Variants in MMP20 observed in about 807,000 individuals in gnomAD.
The protein encoded by MMP20 is matrix metalloproteinase-20.
In MMP20, 50 loss-of-function variants were observed where a neutral mutation model predicts 51.8. That is an observed-to-expected ratio of 0.97 (90% CI 0.77 to 1.22). The LOEUF (loss-of-function observed/expected upper bound fraction) is 1.22, where lower values mean the gene tolerates loss of function less well. Among genes scored for constraint, MMP20 ranks in the 50% most tolerant of loss-of-function variants. MMP20 has a pLI of 0.00. For missense variants in MMP20, 663 were observed against 601.4 expected (o/e 1.10, Z -1.07); for synonymous variants, 244 against 216.2 (o/e 1.13, Z -1.13).
chr11:102,605,411 T>C (rs1399716564), intron 6 of MMP20: 1 of 152,102 alleles, frequency 6.6e-6, no homozygotes, highest in Non-Finnish European at 1.5e-5. Context: ...AAAAATACTT[T>C]GTTACTTTCT....
At chr11:102,619,437 G>A (rs1859719169) in intron 1 of MMP20, among the ~76,000 whole-genome samples, 1 of 152,088 alleles carries the variant, frequency 6.6e-6, no homozygotes, top group East Asian at 1.9e-4. Flanking sequence ...GTTACAACAT[G>A]AGCCATGTTT....
chr11:102,579,805 C>CA (rs17098654), intron 8 of MMP20, among the ~76,000 whole-genome samples: 95,100 of 151,844 alleles, frequency 0.63, 30,423 homozygotes, highest in East Asian at 0.76. Flanking sequence ...TCTGTTAACT[C>CA]AAAAAAAACT....
At chr11:102,612,272 C>T (rs990104893) in intron 2 of MMP20, among the ~76,000 whole-genome samples, 8 of 152,156 alleles carry the variant, frequency 5.3e-5, no homozygotes, top group Non-Finnish European at 1.2e-4. Context: ...CGAGATCAGC[C>T]TAGCCAAGAT....
intron 6 of MMP20, among the ~76,000 whole-genome samples, chr11:102,602,116 ATTTTTTTTTT>A (rs10593493): frequency 3.1e-4 from 34 of 109,668 alleles, no homozygotes; most frequent in East Asian, 1.7e-3. Context: ...CGCCCGGCTA[ATTTTTTTTTT>A]TTTTTTTTTT....
intron 2 of MMP20, among the ~76,000 whole-genome samples, chr11:102,615,079 AT>A (rs886876512): frequency 2.7e-5 from 4 of 147,700 alleles, no homozygotes; most frequent in African/African-American, 7.4e-5. Flanking sequence ...AATATAATGT[AT>A]TTAATATAAT....
At chr11:102,603,661 G>C (rs2135938679) in intron 6 of MMP20, among the ~76,000 whole-genome samples, 1 of 152,298 alleles carries the variant, frequency 6.6e-6, no homozygotes, top group African/African-American at 2.4e-5. Flanking sequence ...AGGAAGAGAA[G>C]CTCCAGGTGC....
intron 4 of MMP20, among the ~76,000 whole-genome samples, 157 bp from the exon 5 acceptor site, chr11:102,609,255 C>T (rs867906181): frequency 6.6e-6 from 1 of 152,122 alleles, no homozygotes; most frequent in African/African-American, 2.4e-5. Context: ...TGGCACTTAG[C>T]TTTGGTGACT....
At chr11:102,619,727 A>C (rs1051686130) in intron 1 of MMP20, among the ~76,000 whole-genome samples, 1 of 152,068 alleles carries the variant, frequency 6.6e-6, no homozygotes, top group Non-Finnish European at 1.5e-5. Context: ...CAGTGGTTAA[A>C]CCTTAATAAT....
At chr11:102,619,412 G>A (rs571089858) in intron 1 of MMP20, among the ~76,000 whole-genome samples, 5 of 152,182 alleles carry the variant, frequency 3.3e-5, no homozygotes, top group Non-Finnish European at 5.9e-5. Context: ...CATGTTTGCC[G>A]TGTTTACCAC....
At chr11:102,607,503 C>T (rs1451690878) in intron 5 of MMP20, 1 of 152,450 alleles carries the variant, frequency 6.6e-6, no homozygotes, top group Non-Finnish European at 1.5e-5. Context: ...GTTCAGGCCT[C>T]TGATAAGGGT....
intron 5 of MMP20, 39 bp from the exon 6 acceptor site, chr11:102,606,715 A>T: frequency 6.2e-7 from 1 of 1,612,024 alleles, no homozygotes; most frequent in Non-Finnish European, 8.5e-7. Flanking sequence ...GGTAACGGGA[A>T]TTTGGAGTTC....
intron 8 of MMP20, among the ~76,000 whole-genome samples, chr11:102,584,338 G>C (rs1446652863): frequency 6.6e-6 from 1 of 152,168 alleles, no homozygotes; most frequent in Non-Finnish European, 1.5e-5. Context: ...GTGTGAAGAA[G>C]TATTTCACTG....
At chr11:102,609,814 G>C in intron 4 of MMP20, 91 bp downstream of exon 4, 1 of 1,577,912 alleles carries the variant, frequency 6.3e-7, no homozygotes, top group Non-Finnish European at 8.7e-7. Context: ...TAGTTAAAGG[G>C]TGGCTTGGGA....
chr11:102,623,186 TCTAAACGTGC>T (rs1859772387), intron 1 of MMP20, among the ~76,000 whole-genome samples: 1 of 152,150 alleles, frequency 6.6e-6, no homozygotes, highest in Non-Finnish European at 1.5e-5. Context: ...TGCTACTGTT[TCTAAACGTGC>T]CTAGCTGACT....
chr11:102,606,179 T>G (rs914073064), intron 6 of MMP20, among the ~76,000 whole-genome samples: 3 of 152,216 alleles, frequency 2.0e-5, no homozygotes, highest in Admixed American at 2.0e-4. Flanking sequence ...TTCAGGCTGG[T>G]GTCCTAGCTC....
At chr11:102,616,791 G>A in intron 2 of MMP20, 21 bp downstream of exon 2, 1 of 1,613,636 alleles carries the variant, frequency 6.2e-7, no homozygotes, top group Non-Finnish European at 8.5e-7. Context: ...CTCTGAATTT[G>A]GAAAGACTTG....
rs368904359 is a variant in MMP20, at chr11:102,609,986, C to T, written c.568G>A (p.Ala190Thr). Residue 190 changes from alanine (A) to threonine (T), a missense_variant, in exon 4 of 10, where the codon GCC (alanine) becomes ACC (threonine). Coordinates refer to ENST00000260228, the MANE Select transcript of MMP20 (RefSeq NM_004771.4). ...YPFDGPRGTL[A>T]HAFAPGEGLG... ...CCTTCTCCAGGAGCAAATGCATGGG[C>T]TAGAGTCCCCCGAGGCCCATCGAAT... The T allele has an allele frequency of 5.5e-5, 88 of 1,614,010 alleles. No individual in the cohort carries two copies. Among genetic ancestry groups the T allele is most frequent in the Non-Finnish European group, 7.0e-5 (83 of 1,180,008 alleles).
At chr11:102,593,842 T>G (rs1220746149) in intron 7 of MMP20, among the ~76,000 whole-genome samples, 1 of 152,264 alleles carries the variant, frequency 6.6e-6, no homozygotes, top group East Asian at 1.9e-4. Context: ...GTTTTACATT[T>G]AACATACTAT....
chr11:102,607,041 C>G (rs1417994634), intron 5 of MMP20: 1 of 214,550 alleles, frequency 4.7e-6, no homozygotes, highest in East Asian at 1.1e-4. Flanking sequence ...TCTTTGATAT[C>G]TACAAGTGTT....
Sources: allele counts gnomAD v4.1 joint callset (sites outside exome capture counted in the v4.1 genomes callset), GRCh38; gene constraint gnomAD v4.1.1; transcripts MANE v1.5; gene names NCBI Gene and HGNC (gene_info 2026-07-23, HGNC 2026-07-21).